The following TDRD7 variants were observed in gnomAD, a reference collection of about 807,000 sequenced individuals.
The protein encoded by TDRD7 is tudor domain containing 7.
Under a neutral mutation model 109.8 loss-of-function variants are expected in TDRD7, and 47 were observed. The ratio of observed to expected loss-of-function variants is 0.43; its 90% CI spans 0.34 to 0.55. The LOEUF is 0.55. TDRD7 is among the 20% of genes least tolerant of loss of function. The pLI is 0.03. For missense variants in TDRD7, 1,164 were observed against 1,319.2 expected (o/e 0.88, Z 1.82); for synonymous variants, 424 against 457.3 (o/e 0.93, Z 0.93).
At position 97,461,155 on chromosome 9, in the gene TDRD7, G is replaced by A. The variant is rs1244523777; in HGVS notation, c.1442+391G>A. On this transcript the variant is annotated intron_variant, in intron 7 of 16. Coordinates refer to ENST00000355295, the MANE Select transcript of TDRD7 (RefSeq NM_014290.3). ...GACTCCATCTCAAAAAAAAAAAAAA[G>A]GATAACATATTCTTAGTTCTATAGA... is the stretch of plus-strand genomic sequence containing the variant. 4.0e-5 allele frequency among the ~76,000 whole-genome samples: 6 copies of A among 150,382 alleles called. No individual in the cohort carries two copies. The East Asian group carries it at 8.0e-4, about 20-fold the overall frequency.
At position 97,465,023 on chromosome 9, in the gene TDRD7, A is replaced by G. The variant is rs1828798974; in HGVS notation, c.1624A>G (p.Ile542Val). ...AQVISTEENK[I>V]KVCYVDYGFS... ...GGTCATCTCAACAGAAGAGAACAAAATAAAGGCAAGCACTGTTTACTTTGT... is the reference window on the plus strand; with the variant it reads ...GGTCATCTCAACAGAAGAGAACAAAGTAAAGGCAAGCACTGTTTACTTTGT... Residue 542 changes from isoleucine (I) to valine (V), a missense_variant, in exon 8 of 17, where the codon ATA becomes GTA. By Grantham distance (29) the Ile-to-Val change is conservative. Around this residue, in one of 5 missense-constraint regions of TDRD7, gnomAD observed 261 missense variants for 336.2 expected, o/e 0.78. Transcript: ENST00000355295. 2.5e-6 allele frequency: 4 copies of G among 1,613,788 alleles called. No homozygotes were observed. Among genetic ancestry groups the G allele is most frequent in the East Asian group, 2.2e-5 (1 of 44,796 alleles).
rs772745184 is a variant in TDRD7, at chr9:97,495,662, G to T, written c.3077-1G>T. On this transcript the variant is annotated splice_acceptor_variant, in intron 16 of 16. Transcript: ENST00000355295. LOFTEE classifies it high-confidence loss of function. The stretch of plus-strand genomic sequence containing the variant: ...CCCTCTTCTTCCTCTCTTCCTCCTA[G>T]GAGTGAAGTGCAACCAGTGGTCTGA... The T allele has an allele frequency of 6.2e-7, 1 of 1,613,866 alleles. No homozygotes were observed. The highest frequency in any genetic ancestry group is 1.7e-5 in the Admixed American group (1 of 60,020).
chr9:97,495,726 A>C lies in TDRD7; in HGVS notation c.3140A>C (p.Lys1047Thr), dbSNP rs375902207. Residue 1047 changes from lysine to threonine, a missense_variant, in exon 17 of 17, where the codon AAA (lysine) becomes ACA (threonine). By Grantham distance (78) the Lys-to-Thr change is moderately conservative. Transcript: ENST00000355295. Reference protein sequence around the residue: ...SMVFRNHVEKKPLVALVQTVI... With the variant: ...SMVFRNHVEKTPLVALVQTVI... Reference sequence around the variant, plus strand: ...GTGTTTCGAAATCATGTGGAGAAGAAACCTCTGGTGGCACTGGTGCAGACA... The same window carrying C: ...GTGTTTCGAAATCATGTGGAGAAGACACCTCTGGTGGCACTGGTGCAGACA... The C allele has an allele frequency of 6.2e-7, 1 of 1,614,108 alleles. No individual in the cohort carries two copies. The highest frequency in any genetic ancestry group is 1.3e-5 in the African/African-American group (1 of 74,940).
intron 8 of TDRD7, among the ~76,000 whole-genome samples, chr9:97,468,656 T>C (rs1828859427): frequency 6.6e-6 from 1 of 152,224 alleles, no homozygotes; most frequent in Non-Finnish European, 1.5e-5. Flanking sequence ...TGTCAGATCC[T>C]TGGTGAGTAG....
intron 7 of TDRD7, among the ~76,000 whole-genome samples, chr9:97,464,524 ATT>A (rs1489831748): frequency 6.6e-6 from 1 of 151,882 alleles, no homozygotes; most frequent in Non-Finnish European, 1.5e-5. Flanking sequence ...CACCCAGCTA[ATT>A]TTTGTATTTT....
chr9:97,457,831 G>A (rs533619635), intron 6 of TDRD7, among the ~76,000 whole-genome samples: 1 of 152,302 alleles, frequency 6.6e-6, no homozygotes, highest in East Asian at 1.9e-4. Flanking sequence ...ATCTCCTTGC[G>A]GGGACATGGA....
chr9:97,471,278 G>C (rs1464049458), intron 9 of TDRD7, among the ~76,000 whole-genome samples: 1 of 152,072 alleles, frequency 6.6e-6, no homozygotes, highest in Non-Finnish European at 1.5e-5. Flanking sequence ...GCACCATGCC[G>C]GGGGGGACTT....
chr9:97,464,735 T>C lies in TDRD7; in HGVS notation c.1443-107T>C, dbSNP rs115903922. 1.8e-3 allele frequency: 2,138 copies of C among 1,211,690 alleles called. 28 individuals carry two copies. In the African/African-American group the frequency reaches 0.027, roughly 15 times the overall value. The allele number at this position is 1,211,690 out of a possible 1,614,324, so 75.1% of individuals were successfully genotyped here. A position where few individuals can be genotyped will look rare whatever the true frequency, so the allele number is the denominator to read the frequency against. On this transcript the variant is annotated intron_variant, in intron 7 of 16. Coordinates refer to ENST00000355295, the MANE Select transcript of TDRD7 (RefSeq NM_014290.3). ...CTGTTGATATAAGCAAGTCTGAGAC[T>C]GGAACCAAAGATGGCAGCAGGGAAA...
chr9:97,451,313 C>T (rs1483740050), intron 6 of TDRD7, among the ~76,000 whole-genome samples: 1 of 151,966 alleles, frequency 6.6e-6, no homozygotes, highest in Non-Finnish European at 1.5e-5. Context: ...TTTTTAGAGA[C>T]AGGTTTTGCT....
At chr9:97,456,597 T>C (rs193238816) in intron 6 of TDRD7, among the ~76,000 whole-genome samples, 1 of 152,342 alleles carries the variant, frequency 6.6e-6, no homozygotes, top group Admixed American at 6.5e-5. Context: ...CAGTAAATGA[T>C]GCTGGGAAAA....
intron 13 of TDRD7, among the ~76,000 whole-genome samples, chr9:97,479,128 A>G (rs1829071663): frequency 6.6e-6 from 1 of 152,226 alleles, no homozygotes; most frequent in South Asian, 2.1e-4. Flanking sequence ...GCAGAAATTA[A>G]TATCTTTTAA....
chr9:97,438,158 T>C (rs2118343455), intron 4 of TDRD7, among the ~76,000 whole-genome samples: 1 of 152,252 alleles, frequency 6.6e-6, no homozygotes, highest in Admixed American at 6.5e-5. Context: ...TTCTGCAAAA[T>C]AGGAGTTGGA....
intron 6 of TDRD7, among the ~76,000 whole-genome samples, chr9:97,442,269 T>C (rs1381773911): frequency 1.3e-5 from 2 of 152,210 alleles, no homozygotes; most frequent in Admixed American, 6.5e-5. Context: ...CTCTTGAGCA[T>C]TTTTAAAGAC....
intron 16 of TDRD7, among the ~76,000 whole-genome samples, chr9:97,489,803 G>A (rs1219542348): frequency 6.6e-6 from 1 of 151,618 alleles, no homozygotes; most frequent in Non-Finnish European, 1.5e-5. Flanking sequence ...TCCTTTCTTA[G>A]GATATCAATT....
At chr9:97,474,174 T>C (rs1412544712) in intron 11 of TDRD7, among the ~76,000 whole-genome samples, 5 of 152,184 alleles carry the variant, frequency 3.3e-5, no homozygotes. Context: ...ATCCTTTAAT[T>C]CTACTATTTT....
At position 97,487,681 on chromosome 9, in the gene TDRD7, C is replaced by CTACTTGTT. The variant is rs200806057; in HGVS notation, c.3076+351_3076+358dup. Reference sequence around the variant, plus strand: ...CTTTCTGGGTGGTTTTATGGTTGTCCTACTTGTTTTTAATGGGTGCAAAAA... The same window carrying CTACTTGTT: ...CTTTCTGGGTGGTTTTATGGTTGTCCTACTTGTTTACTTGTTTTTAATGGGTGCAAAAA... On this transcript the variant is annotated intron_variant, in intron 16 of 16. Transcript: ENST00000355295. Among the ~76,000 whole-genome samples, 1,190 of 151,658 alleles carry CTACTTGTT rather than the reference C, an allele frequency of 7.8e-3. 38 individuals are homozygous for CTACTTGTT. The East Asian group carries it at 0.1, about 13-fold the overall frequency.
intron 6 of TDRD7, 128 bp from the exon 7 acceptor site, chr9:97,460,050 A>C: frequency 1.3e-6 from 1 of 799,978 alleles, no homozygotes. Flanking sequence ...TAGCAATTGA[A>C]AAGAGTAAAT....
chr9:97,460,062 G>A (rs748257517), intron 6 of TDRD7, 116 bp from the exon 7 acceptor site: 69 of 881,706 alleles, frequency 7.8e-5, no homozygotes, highest in Admixed American at 3.8e-4. Flanking sequence ...AGAGTAAATC[G>A]TACACTTGAT....
chr9:97,432,002 GT>G, intron 3 of TDRD7, 22 bp from the exon 4 acceptor site: 1 of 1,609,308 alleles, frequency 6.2e-7, no homozygotes, highest in Non-Finnish European at 8.5e-7. Context: ...AATTGATTTC[GT>G]TATGTATGCC....
Sources: allele counts gnomAD v4.1 joint callset (sites outside exome capture counted in the v4.1 genomes callset), GRCh38; gene constraint gnomAD v4.1.1; regional missense constraint gnomAD v4.1.1; transcripts MANE v1.5; gene names NCBI Gene and HGNC (gene_info 2026-07-23, HGNC 2026-07-21).